SPTBN1: variants seen among roughly 807,000 people sequenced by gnomAD.
SPTBN1 encodes spectrin beta chain, non-erythrocytic 1.
In SPTBN1, 32 loss-of-function variants were observed where a neutral mutation model predicts 266.4. That is an observed-to-expected ratio of 0.12 (90% CI 0.09 to 0.16). The LOEUF (loss-of-function observed/expected upper bound fraction) is 0.16. Ranked by LOEUF, SPTBN1 falls within the 10% of genes least tolerant of loss-of-function variation. SPTBN1 has a pLI of 1.00. For synonymous variants in SPTBN1, 1,336 were observed against 1,162.2 expected (o/e 1.15, Z -3.04); for missense variants, 2,296 against 3,067.1 (o/e 0.75, Z 5.94).
rs1671360269 is a variant in SPTBN1 at position 54,533,185 on chromosome 2, G to T, written c.148+6619G>T. On this transcript the variant is annotated intron_variant, in intron 2 of 35. Transcript: ENST00000356805. The surrounding 1 kb of genome is among the most constrained non-coding windows in gnomAD (Gnocchi z 4.2). ...AAAGGGATGATTCACATACCAGGCG[G>T]GATGGAGCGAGATGGCGCAAGATTT... 6.6e-6 allele frequency among the ~76,000 whole-genome samples: 1 copy of T among 152,100 alleles called. No homozygotes were observed. The highest frequency in any genetic ancestry group is 1.5e-5 in the Non-Finnish European group (1 of 68,030).
intron 2 of SPTBN1, among the ~76,000 whole-genome samples, chr2:54,530,951 G>A (rs1281425471): frequency 6.6e-6 from 1 of 152,146 alleles, no homozygotes. Context: ...AGACTGAGCA[G>A]TTAGAGAATT....
chr2:54,547,443 G>C (rs1672311549), intron 2 of SPTBN1, among the ~76,000 whole-genome samples: 2 of 152,158 alleles, frequency 1.3e-5, no homozygotes, highest in Admixed American at 6.5e-5. Context: ...GTCTCTTTGA[G>C]ATCCTGCTTT....
At chr2:54,660,726 C>T in intron 32 of SPTBN1, 1 of 985,252 alleles carries the variant, frequency 1.0e-6, no homozygotes, top group African/African-American at 1.7e-5. Flanking sequence ...TTTTTTTCTG[C>T]CAAGTCCTGA....
chr2:54,651,580 A>G (rs1010978773), intron 26 of SPTBN1, among the ~76,000 whole-genome samples: 10 of 152,222 alleles, frequency 6.6e-5, no homozygotes, highest in Non-Finnish European at 1.3e-4. Context: ...GGAATGACAC[A>G]TAGCACTGAT....
chr2:54,511,819 C>T (rs1372858717), intron 1 of SPTBN1, among the ~76,000 whole-genome samples: 3 of 151,900 alleles, frequency 2.0e-5, no homozygotes, highest in Non-Finnish European at 4.4e-5. Flanking sequence ...TGCAGTGAGC[C>T]AAGATCATGC....
intron 1 of SPTBN1, among the ~76,000 whole-genome samples, chr2:54,489,520 G>A (rs1435771008): frequency 7.0e-6 from 1 of 143,118 alleles, no homozygotes; most frequent in Non-Finnish European, 1.6e-5. Flanking sequence ...GGCCAACATG[G>A]TGAAACCCCG....
chr2:54,485,732 A>T (rs576283877), intron 1 of SPTBN1, among the ~76,000 whole-genome samples: 2,403 of 140,694 alleles, frequency 0.017, 61 homozygotes, highest in African/African-American at 0.057. Flanking sequence ...CCGCCATCCC[A>T]TCTAGGAAGT....
At chr2:54,630,166 C>A in intron 15 of SPTBN1, 137 bp downstream of exon 15, 1 of 1,176,046 alleles carries the variant, frequency 8.5e-7, no homozygotes, top group Non-Finnish European at 1.2e-6. Context: ...GGCATTGGCA[C>A]CTGCCTTTTG....
At chr2:54,467,574 C>T (rs898397489) in intron 1 of SPTBN1, among the ~76,000 whole-genome samples, 4 of 152,154 alleles carry the variant, frequency 2.6e-5, no homozygotes, top group Non-Finnish European at 4.4e-5. Context: ...TTAGTAGAGA[C>T]GGGTTTCACC....
chr2:54,470,451 A>G (rs546364099), intron 1 of SPTBN1, among the ~76,000 whole-genome samples: 1 of 152,308 alleles, frequency 6.6e-6, no homozygotes, highest in Non-Finnish European at 1.5e-5. Flanking sequence ...TATTTCATGT[A>G]AAGAGTGTAT....
chr2:54,508,524 A>G (rs559288441), intron 1 of SPTBN1, among the ~76,000 whole-genome samples: 1 of 141,578 alleles, frequency 7.1e-6, no homozygotes, highest in East Asian at 1.9e-4. Context: ...GAGGTGGGCT[A>G]GCGGGTTCTA....
intron 1 of SPTBN1, among the ~76,000 whole-genome samples, chr2:54,480,618 C>T (rs1232375499): frequency 6.6e-6 from 1 of 152,100 alleles, no homozygotes; most frequent in Non-Finnish European, 1.5e-5. Flanking sequence ...TAGTCCAGAT[C>T]CTTTTATAAG....
chr2:54,637,703 A>G lies in SPTBN1; in HGVS notation c.3768-10A>G. The G allele has an allele frequency of 3.1e-6, 5 of 1,604,154 alleles. No homozygotes were observed. Among genetic ancestry groups the G allele is most frequent in the Non-Finnish European group, 4.3e-6 (5 of 1,173,624 alleles). Reference sequence around the variant, plus strand: ...TTTTTTAAAAATTATTTTTGTTACCATTCTAATAGACATAGGAAGAATCGT... The same window carrying G: ...TTTTTTAAAAATTATTTTTGTTACCGTTCTAATAGACATAGGAAGAATCGT... On this transcript the variant is annotated splice_polypyrimidine_tract_variant and intron_variant, in intron 17 of 35. Transcript: ENST00000356805.
intron 1 of SPTBN1, among the ~76,000 whole-genome samples, chr2:54,460,319 A>G (rs1573192945): frequency 6.6e-6 from 1 of 152,208 alleles, no homozygotes; most frequent in Non-Finnish European, 1.5e-5. Flanking sequence ...GGTGGTGACA[A>G]AAGTGAGGCT....
chr2:54,616,535 T>TC (rs1677628567), intron 5 of SPTBN1, among the ~76,000 whole-genome samples: 1 of 152,224 alleles, frequency 6.6e-6, no homozygotes, highest in Admixed American at 6.5e-5. Flanking sequence ...TTAAGGAAGC[T>TC]CCAGAGAGCA....
intron 1 of SPTBN1, among the ~76,000 whole-genome samples, chr2:54,480,501 C>T (rs1668041269): frequency 1.3e-5 from 2 of 152,166 alleles, no homozygotes; most frequent in African/African-American, 4.8e-5. Context: ...ATCTGAAATT[C>T]AGCTTTAACT....
rs1239180628 is a variant in SPTBN1, at chr2:54,670,227, C to T, written c.*1658C>T. 4 of 152,546 alleles carry T rather than the reference C, an allele frequency of 2.6e-5. No individual in the cohort carries two copies. Among genetic ancestry groups the T allele is most frequent in the South Asian group, 2.1e-4 (1 of 4,826 alleles). 9.4% of individuals were successfully genotyped at this position (152,546 alleles called of 1,614,324 possible). A position where few individuals can be genotyped will look rare whatever the true frequency, so the allele number is the denominator to read the frequency against. ...AAAAAGAAGAAAAAAAAAAAACAGG[C>T]AAGAGGTTAGGTTTGGCCCATGGGC... On this transcript the variant is annotated 3_prime_UTR_variant, in exon 36 of 36. Transcript: ENST00000356805.
At chr2:54,665,100 A>AT (rs1420746068) in intron 33 of SPTBN1, among the ~76,000 whole-genome samples, 1 of 152,134 alleles carries the variant, frequency 6.6e-6, no homozygotes, top group East Asian at 1.9e-4. Flanking sequence ...AACAGCCCCA[A>AT]TTTTTTTATT....
intron 1 of SPTBN1, among the ~76,000 whole-genome samples, chr2:54,477,016 G>GTTTTTTT (rs11380293): frequency 6.7e-6 from 1 of 149,722 alleles, no homozygotes. Context: ...AACACACCGA[G>GTTTTTTT]TTTTTTTTTT....
Sources: allele counts gnomAD v4.1 joint callset (sites outside exome capture counted in the v4.1 genomes callset), GRCh38; gene constraint gnomAD v4.1.1; non-coding constraint Gnocchi (gnomAD v3.1); transcripts MANE v1.5; gene names NCBI Gene and HGNC (gene_info 2026-07-23, HGNC 2026-07-21).